The following TUSC3 variants were observed in gnomAD, a reference collection of about 807,000 sequenced individuals.
TUSC3 encodes tumor suppressor candidate 3.
A neutral mutation model predicts 44.8 loss-of-function variants in TUSC3; 45 were observed. The ratio of observed to expected loss-of-function variants is 1.00; its 90% CI spans 0.79 to 1.29. TUSC3 has a LOEUF of 1.29. Among genes scored for constraint, TUSC3 ranks in the 50% most tolerant of loss-of-function variants. TUSC3 has a pLI of 0.00. For missense variants in TUSC3, 519 were observed against 437.9 expected (o/e 1.19, Z -1.65); for synonymous variants, 212 against 152.9 (o/e 1.39, Z -2.85).
intron 1 of TUSC3, among the ~76,000 whole-genome samples, chr8:15,444,109 G>T (rs1448675902): frequency 2.0e-5 from 3 of 152,192 alleles, no homozygotes; most frequent in African/African-American, 4.8e-5. Flanking sequence ...CTAGTGTCCA[G>T]TGCTAATTTT....
chr8:15,427,229 C>G (rs115158679), intron 1 of TUSC3, among the ~76,000 whole-genome samples: 75 of 144,758 alleles, frequency 5.2e-4, no homozygotes, highest in African/African-American at 1.9e-3. Flanking sequence ...AAGGTTTTTC[C>G]TTTTTTTTTT....
At chr8:15,715,551 C>T (rs1435492653) in intron 6 of TUSC3, among the ~76,000 whole-genome samples, 1 of 152,112 alleles carries the variant, frequency 6.6e-6, no homozygotes, top group Non-Finnish European at 1.5e-5. Flanking sequence ...CTACTCGGAA[C>T]AGCCTGCAAC....
chr8:15,440,969 T>C (rs1296292369), intron 1 of TUSC3, among the ~76,000 whole-genome samples: 2 of 152,228 alleles, frequency 1.3e-5, no homozygotes, highest in Admixed American at 6.5e-5. Context: ...GGTTCATAGA[T>C]GTAGAGGTGC....
intron 9 of TUSC3, among the ~76,000 whole-genome samples, chr8:15,754,544 T>C (rs1001042890): frequency 1.3e-5 from 2 of 152,250 alleles, no homozygotes; most frequent in Admixed American, 6.5e-5. Flanking sequence ...AGTTACCCTT[T>C]AGTGAAAATG....
chr8:15,512,872 G>GTGTATATATATATATA (rs761482107), intron 2 of TUSC3, among the ~76,000 whole-genome samples: 6,438 of 131,966 alleles, frequency 0.049, 283 homozygotes, highest in East Asian at 0.13. Context: ...ATATGTGTGT[G>GTGTATATATATATATA]TATATATATA....
intron 1 of TUSC3, among the ~76,000 whole-genome samples, chr8:15,474,972 G>T (rs934261475): frequency 6.6e-6 from 1 of 152,108 alleles, no homozygotes; most frequent in Non-Finnish European, 1.5e-5. Flanking sequence ...TGTGACACTT[G>T]CAGATGAAAA....
rs60676527 is a variant in TUSC3 at position 15,555,139 on chromosome 8, CTTTT to C, written c.138+14591_138+14594del. 9.8e-3 allele frequency among the ~76,000 whole-genome samples: 921 copies of C among 93,570 alleles called. 12 individuals carry two copies. Among genetic ancestry groups the C allele is most frequent in the African/African-American group, 0.036 (893 of 25,128 alleles). The allele number at this position is 93,570 out of a possible 152,430, so 61.4% of individuals were successfully genotyped here. A position where few individuals can be genotyped will look rare whatever the true frequency, so the allele number is the denominator to read the frequency against. On this transcript the variant is annotated intron_variant, in intron 1 of 10. Coordinates refer to ENST00000503731, the MANE Select transcript of TUSC3 (RefSeq NM_006765.4). ...TAGGTGACAATATTATAATAGCAGT[CTTTT>C]TTTTTTTTTTTTTTTTTTTGGGGGG...
intron 1 of TUSC3, among the ~76,000 whole-genome samples, chr8:15,577,486 T>A (rs4831750): frequency 0.43 from 64,226 of 150,432 alleles, 15,583 homozygotes; most frequent in Non-Finnish European, 0.53. Context: ...GAATTGTTTT[T>A]TGTATAAGGT....
At chr8:15,442,187 T>C (rs1800029299) in intron 1 of TUSC3, among the ~76,000 whole-genome samples, 1 of 152,124 alleles carries the variant, frequency 6.6e-6, no homozygotes, top group Admixed American at 6.5e-5. Context: ...ATAGTATATA[T>C]ACGATTTTTG....
intron 5 of TUSC3, among the ~76,000 whole-genome samples, chr8:15,667,211 A>G (rs1193554620): frequency 6.6e-6 from 1 of 151,636 alleles, no homozygotes; most frequent in African/African-American, 2.4e-5. Context: ...ATGGAATTAA[A>G]GACTTAGTCT....
chr8:15,808,209 A>G, the TUSC3 span, among the ~76,000 whole-genome samples: 4 of 152,140 alleles, frequency 2.6e-5, no homozygotes, highest in Non-Finnish European at 5.9e-5. Flanking sequence ...AACTTCTTTC[A>G]CCTGGTATAA....
chr8:15,631,296 G>A (rs943254458), intron 2 of TUSC3, among the ~76,000 whole-genome samples: 1 of 152,022 alleles, frequency 6.6e-6, no homozygotes. Flanking sequence ...TTCTTCCTAG[G>A]TGTCTCTTCC....
intron 5 of TUSC3, among the ~76,000 whole-genome samples, chr8:15,668,260 T>G (rs559359684): frequency 6.6e-6 from 1 of 151,882 alleles, no homozygotes; most frequent in East Asian, 1.9e-4. Flanking sequence ...TTTTTTTCAC[T>G]GTTACTTATA....
At position 15,619,522 on chromosome 8, in the gene TUSC3, G is replaced by C. The variant is rs1227924295; in HGVS notation, c.139-3558G>C. 2.0e-5 allele frequency among the ~76,000 whole-genome samples: 3 copies of C among 150,896 alleles called. No individual in the cohort carries two copies. The East Asian group carries it at 5.9e-4, about 30-fold the overall frequency. The stretch of plus-strand genomic sequence containing the variant: ...TTTTTTTTTTTTCCAGTCGAAGTCT[G>C]TCTCTGTCGCCCAGGCTGGAGTGCA... On this transcript the variant is annotated intron_variant, in intron 1 of 10. Transcript: ENST00000503731.
At chr8:15,649,506 C>T (rs943659408) in intron 2 of TUSC3, among the ~76,000 whole-genome samples, 1 of 151,916 alleles carries the variant, frequency 6.6e-6, no homozygotes, top group South Asian at 2.1e-4. Context: ...ATGGCATGAT[C>T]CTGGGAGGCG....
At chr8:15,549,281 C>A (rs560128025) in intron 1 of TUSC3, among the ~76,000 whole-genome samples, 1 of 151,732 alleles carries the variant, frequency 6.6e-6, no homozygotes, top group Admixed American at 6.6e-5. Flanking sequence ...TCAAGTGATT[C>A]TCCTGCCTCA....
chr8:15,814,921 G>C, the TUSC3 span, among the ~76,000 whole-genome samples: 1 of 152,146 alleles, frequency 6.6e-6, no homozygotes. Context: ...ATGTTGCTGA[G>C]TACGGGAGAA....
chr8:15,471,408 C>A (rs1800492375), intron 1 of TUSC3, among the ~76,000 whole-genome samples: 2 of 152,010 alleles, frequency 1.3e-5, no homozygotes, highest in South Asian at 4.2e-4. Context: ...TCTCCAAGGA[C>A]CTATTGAGGA....
At chr8:15,746,318 A>C (rs1208272569) in intron 8 of TUSC3, among the ~76,000 whole-genome samples, 1 of 152,054 alleles carries the variant, frequency 6.6e-6, no homozygotes, top group Non-Finnish European at 1.5e-5. Flanking sequence ...CAAATTAATT[A>C]TTCATGTTGT....
Sources: allele counts gnomAD v4.1 joint callset (sites outside exome capture counted in the v4.1 genomes callset), GRCh38; gene constraint gnomAD v4.1.1; transcripts MANE v1.5; gene names NCBI Gene and HGNC (gene_info 2026-07-23, HGNC 2026-07-21).